Variants in GRIA4 observed in about 807,000 individuals in gnomAD.
GRIA4 encodes the protein glutamate ionotropic receptor AMPA type subunit 4.
Under a neutral mutation model 104.0 loss-of-function variants are expected in GRIA4, and 34 were observed. The observed-to-expected ratio is 0.33, with a 90% CI of 0.25 to 0.44. The LOEUF is 0.44. Ranked by LOEUF, GRIA4 falls within the 20% of genes least tolerant of loss-of-function variation. The pLI is 1.00. For missense variants in GRIA4, 750 were observed against 1,096.5 expected, an observed-to-expected ratio of 0.68 and a Z score of 4.46; for synonymous variants, 386 against 381.9, an observed-to-expected ratio of 1.01 and a Z score of -0.13.
At chr11:105,919,101 A>C (rs1300238229) in intron 11 of GRIA4, among the ~76,000 whole-genome samples, 183 bp downstream of exon 11, 3 of 152,142 alleles carry the variant, frequency 2.0e-5, no homozygotes, top group African/African-American at 4.8e-5. Context: ...AATGAGAAAA[A>C]CTGACACTTG....
At chr11:105,822,858 C>T (rs968546820) in intron 4 of GRIA4, among the ~76,000 whole-genome samples, 2 of 152,022 alleles carry the variant, frequency 1.3e-5, no homozygotes, top group African/African-American at 4.8e-5. Context: ...CAATTATTTG[C>T]AAGGACTGAG....
At chr11:105,735,557 T>C (rs1256545322) in intron 3 of GRIA4, among the ~76,000 whole-genome samples, 1 of 152,208 alleles carries the variant, frequency 6.6e-6, no homozygotes, top group Non-Finnish European at 1.5e-5. Flanking sequence ...CATACATTTC[T>C]ATTAATTTAT....
chr11:105,827,085 G>A (rs1218130311), intron 4 of GRIA4, among the ~76,000 whole-genome samples: 1 of 151,976 alleles, frequency 6.6e-6, no homozygotes, highest in Admixed American at 6.6e-5. Flanking sequence ...TGTTCCAGGT[G>A]CATTGCCAAA....
At chr11:105,874,694 T>C (rs1216784269) in intron 5 of GRIA4, among the ~76,000 whole-genome samples, 2 of 152,200 alleles carry the variant, frequency 1.3e-5, no homozygotes, top group African/African-American at 4.8e-5. Context: ...TGAATGGGCG[T>C]TCACTATTGA....
At chr11:105,720,449 G>C (rs554869983) in intron 3 of GRIA4, among the ~76,000 whole-genome samples, 1 of 152,122 alleles carries the variant, frequency 6.6e-6, no homozygotes, top group Non-Finnish European at 1.5e-5. Flanking sequence ...AAAATATGTG[G>C]CCTATGAAAT....
At chr11:105,974,641 G>A in intron 16 of GRIA4, 197 bp downstream of exon 16, 3 of 1,321,440 alleles carry the variant, frequency 2.3e-6, no homozygotes, top group Non-Finnish European at 3.1e-6. Context: ...TGGTGGTATT[G>A]CTTGCTTCTA....
Position 105,974,423 on chromosome 11 carries a change from G to A in GRIA4, c.2523G>A (p.Arg841=), listed in dbSNP as rs1591503816. The change falls in exon 16 of 17, where the codon AGG becomes AGA. Residue 841 remains arginine (R), a synonymous_variant. Transcript: ENST00000282499. The part of the protein sequence containing the change: ...VALIEFCYKS[R]AEAKRMKLTF... ...TGATAGAGTTCTGTTACAAGTCCAGGGCAGAAGCGAAGAGAATGAAGGTGG... is the reference window on the plus strand; with the variant it reads ...TGATAGAGTTCTGTTACAAGTCCAGAGCAGAAGCGAAGAGAATGAAGGTGG... 6.2e-7 allele frequency: 1 copy of A among 1,613,920 alleles called. No individual in the cohort carries two copies. The highest frequency in any genetic ancestry group is 8.5e-7 in the Non-Finnish European group (1 of 1,179,880).
At chr11:105,866,075 T>A (rs1248260568) in intron 5 of GRIA4, among the ~76,000 whole-genome samples, 1 of 152,194 alleles carries the variant, frequency 6.6e-6, no homozygotes, top group Non-Finnish European at 1.5e-5. Flanking sequence ...ATTATGATGG[T>A]TCCAACAAAA....
intron 3 of GRIA4, among the ~76,000 whole-genome samples, chr11:105,736,842 T>C (rs1938986387): frequency 1.3e-5 from 2 of 152,092 alleles, no homozygotes; most frequent in Non-Finnish European, 2.9e-5. Flanking sequence ...TTTTAATGCC[T>C]TTAAGATTAA....
At chr11:105,832,775 G>T (rs976107292) in intron 4 of GRIA4, among the ~76,000 whole-genome samples, 1 of 151,996 alleles carries the variant, frequency 6.6e-6, no homozygotes, top group Non-Finnish European at 1.5e-5. Flanking sequence ...ACTCAAGGGT[G>T]GCTGACATTG....
rs1456554462 is a variant in GRIA4, at chr11:105,912,522, A to ATATATATATAAATATATATATATT, written c.1269+1988_1269+2011dup. 163 of 318,666 alleles carry ATATATATATAAATATATATATATT rather than the reference A, an allele frequency of 5.1e-4. 1 individual carries two copies. The highest frequency in any genetic ancestry group is 3.5e-3 in the African/African-American group (155 of 43,764). 19.7% of individuals were successfully genotyped at this position (318,666 alleles called of 1,614,324 possible). A position where few individuals can be genotyped will look rare whatever the true frequency, so the allele number is the denominator to read the frequency against. On this transcript the variant is annotated intron_variant, in intron 10 of 16. Coordinates refer to ENST00000282499, the MANE Select transcript of GRIA4 (RefSeq NM_000829.4). ...ATGACTGAAAAAATCCAACTGTTTTATATATATATAAATATATATATATTT... is the reference window on the plus strand; with the variant it reads ...ATGACTGAAAAAATCCAACTGTTTTATATATATATAAATATATATATATTTATATATATAAATATATATATATTT...
In GRIA4 at chr11:105,979,850, G is replaced by C; in HGVS notation, c.*111G>C. 2 of 752,154 alleles carry C rather than the reference G, an allele frequency of 2.7e-6. No individual in the cohort carries two copies. Among genetic ancestry groups the C allele is most frequent in the Non-Finnish European group, 4.3e-6 (2 of 463,102 alleles). 46.6% of individuals were successfully genotyped at this position (752,154 alleles called of 1,614,324 possible). On this transcript the variant is annotated 3_prime_UTR_variant, in exon 17 of 17. Transcript: ENST00000282499. ...TTTGCTAAACCAATCCTTTGGCTGAGAGCGGGAAGTCCGTCCTAACGCGCT... is the reference window on the plus strand; with the variant it reads ...TTTGCTAAACCAATCCTTTGGCTGACAGCGGGAAGTCCGTCCTAACGCGCT...
At chr11:105,768,658 T>C (rs1226073824) in intron 4 of GRIA4, among the ~76,000 whole-genome samples, 1 of 152,044 alleles carries the variant, frequency 6.6e-6, no homozygotes, top group Non-Finnish European at 1.5e-5. Context: ...AGGGGGTGTT[T>C]GTCTATTGAA....
chr11:105,979,873 G>T lies in GRIA4; in HGVS notation c.*134G>T. The T allele has an allele frequency of 1.7e-6, 1 of 602,560 alleles. No individual in the cohort carries two copies. Among genetic ancestry groups the T allele is most frequent in the South Asian group, 2.2e-5 (1 of 44,486 alleles). 37.3% of individuals were successfully genotyped at this position (602,560 alleles called of 1,614,324 possible). On this transcript the variant is annotated 3_prime_UTR_variant, in exon 17 of 17. Transcript: ENST00000282499. Reference sequence around the variant, plus strand: ...GAGAGCGGGAAGTCCGTCCTAACGCGCTGGCCGGACATCAGCAGCAGCAAC... The same window carrying T: ...GAGAGCGGGAAGTCCGTCCTAACGCTCTGGCCGGACATCAGCAGCAGCAAC...
At chr11:105,730,181 G>T (rs1393171526) in intron 3 of GRIA4, among the ~76,000 whole-genome samples, 2 of 152,170 alleles carry the variant, frequency 1.3e-5, no homozygotes, top group African/African-American at 2.4e-5. Flanking sequence ...CTTCAGCAAA[G>T]TCTCAGGATA....
chr11:105,818,921 C>A (rs1282112217), intron 4 of GRIA4, among the ~76,000 whole-genome samples: 1 of 152,086 alleles, frequency 6.6e-6, no homozygotes, highest in East Asian at 1.9e-4. Context: ...AATTTTTATG[C>A]ATGTGTAACA....
At position 105,610,143 on chromosome 11, in the gene GRIA4, C is replaced by G. The variant is rs534093039; in HGVS notation, c.-376C>G. Reference sequence around the variant, plus strand: ...AGAGGGAGGCAGCCCGTCCTCCTCACGAACCTGCAAGGATGCGGCAGGGGC... The same window carrying G: ...AGAGGGAGGCAGCCCGTCCTCCTCAGGAACCTGCAAGGATGCGGCAGGGGC... On this transcript the variant is annotated 5_prime_UTR_variant, in exon 1 of 17. Coordinates refer to ENST00000282499, the MANE Select transcript of GRIA4 (RefSeq NM_000829.4). The G allele has an allele frequency of 6.6e-6, 1 of 152,640 alleles. No homozygotes were observed. The highest frequency in any genetic ancestry group is 2.4e-5 in the African/African-American group (1 of 41,460). The allele number at this position is 152,640 out of a possible 1,614,324, so 9.5% of individuals were successfully genotyped here. A position where few individuals can be genotyped will look rare whatever the true frequency, so the allele number is the denominator to read the frequency against.
intron 3 of GRIA4, among the ~76,000 whole-genome samples, chr11:105,644,856 T>G (rs1321083860): frequency 1.3e-5 from 2 of 152,138 alleles, no homozygotes; most frequent in Non-Finnish European, 2.9e-5. Context: ...AATAGTAATC[T>G]TTAATATATG....
intron 3 of GRIA4, among the ~76,000 whole-genome samples, chr11:105,674,618 C>T (rs1223987816): frequency 6.6e-6 from 1 of 151,734 alleles, no homozygotes; most frequent in African/African-American, 2.4e-5. Context: ...TCTGAATAAG[C>T]AGTAAATCTA....
Sources: allele counts gnomAD v4.1 joint callset (sites outside exome capture counted in the v4.1 genomes callset), GRCh38; gene constraint gnomAD v4.1.1; transcripts MANE v1.5; gene names NCBI Gene and HGNC (gene_info 2026-07-23, HGNC 2026-07-21).